The following REEP1 variants were observed in gnomAD, a reference collection of about 807,000 sequenced individuals.
REEP1 encodes the protein receptor expression-enhancing protein 1.
Under a neutral mutation model 40.3 loss-of-function variants are expected in REEP1, and 22 were observed. The ratio of observed to expected loss-of-function variants is 0.55; its 90% CI spans 0.39 to 0.78. The LOEUF is 0.78. Ranked by LOEUF, REEP1 falls within the 30% of genes least tolerant of loss-of-function variation. The pLI, the probability that REEP1 is intolerant of heterozygous loss-of-function variation, is 0.00. For missense variants in REEP1, 280 were observed against 361.1 expected (o/e 0.78, Z 1.82); for synonymous variants, 116 against 139.2 (o/e 0.83, Z 1.17).
At chr2:86,329,722 G>C (rs567725638) in intron 1 of REEP1, among the ~76,000 whole-genome samples, 5 of 152,158 alleles carry the variant, frequency 3.3e-5, no homozygotes, top group Admixed American at 6.5e-5. Context: ...AACTATTCCA[G>C]TAATGCCAAT....
chr2:86,218,305 C>T (rs1674237080), intron 8 of REEP1, among the ~76,000 whole-genome samples: 1 of 152,212 alleles, frequency 6.6e-6, no homozygotes, highest in South Asian at 2.1e-4. Flanking sequence ...CCTGCTCACT[C>T]TCTCCCCACC....
At chr2:86,286,161 A>G (rs1047542494) in intron 1 of REEP1, among the ~76,000 whole-genome samples, 1 of 152,086 alleles carries the variant, frequency 6.6e-6, no homozygotes, top group Non-Finnish European at 1.5e-5. Flanking sequence ...GTCTTCATTC[A>G]GGTTGCCTCC....
intron 5 of REEP1, among the ~76,000 whole-genome samples, chr2:86,244,352 C>T (rs1208441329): frequency 1.3e-5 from 2 of 151,146 alleles, no homozygotes; most frequent in Non-Finnish European, 3.0e-5. Flanking sequence ...TGTAGATCTT[C>T]TTTTTCTTTT....
At chr2:86,322,087 A>T (rs1268818879) in intron 1 of REEP1, among the ~76,000 whole-genome samples, 2 of 152,254 alleles carry the variant, frequency 1.3e-5, no homozygotes, top group African/African-American at 4.8e-5. Context: ...TAAGATACTA[A>T]ATACACTGGC....
At chr2:86,228,991 G>C (rs1368950782) in intron 6 of REEP1, among the ~76,000 whole-genome samples, 3 of 152,156 alleles carry the variant, frequency 2.0e-5, no homozygotes, top group African/African-American at 7.2e-5. Flanking sequence ...ATGCTTTCAA[G>C]TTCCACTGTG....
chr2:86,327,770 T>C (rs935030295), intron 1 of REEP1, among the ~76,000 whole-genome samples: 12 of 152,074 alleles, frequency 7.9e-5, no homozygotes, highest in African/African-American at 2.9e-4. Context: ...GATTTCACCG[T>C]GTTAGCCAGG....
chr2:86,334,321 T>C (rs908253948), intron 1 of REEP1, among the ~76,000 whole-genome samples: 4 of 152,196 alleles, frequency 2.6e-5, no homozygotes, highest in African/African-American at 4.8e-5. Flanking sequence ...AACACAGTGA[T>C]AGGTCTTCCT....
At chr2:86,309,469 C>G (rs1679658249) in intron 1 of REEP1, among the ~76,000 whole-genome samples, 3 of 152,238 alleles carry the variant, frequency 2.0e-5, no homozygotes, top group Admixed American at 2.0e-4. Flanking sequence ...GCCTTCACAC[C>G]TCTTGACTCT....
chr2:86,227,547 A>C, intron 6 of REEP1, 149 bp from the exon 7 acceptor site: 1 of 532,952 alleles, frequency 1.9e-6, no homozygotes, highest in Non-Finnish European at 2.9e-6. Flanking sequence ...TAGAGACACC[A>C]AAGTGGGGAA....
chr2:86,232,382 G>A (rs1424127630), intron 6 of REEP1, among the ~76,000 whole-genome samples: 1 of 152,200 alleles, frequency 6.6e-6, no homozygotes, highest in Non-Finnish European at 1.5e-5. Flanking sequence ...ATCATATGGA[G>A]GAAAGGGGAC....
chr2:86,254,195 ATCTT>A (rs1250263064), intron 4 of REEP1, among the ~76,000 whole-genome samples: 4 of 152,158 alleles, frequency 2.6e-5, no homozygotes, highest in Admixed American at 2.6e-4. Context: ...TAAAATTTTA[ATCTT>A]TCTTTCTTTT....
intron 2 of REEP1, among the ~76,000 whole-genome samples, chr2:86,270,160 T>C (rs948420913): frequency 7.2e-6 from 1 of 138,040 alleles, no homozygotes. Flanking sequence ...ATGCGTTCAG[T>C]ATCATTTTTC....
rs7593081 is a variant in REEP1, at chr2:86,293,101, T to C, written c.33-10859A>G. Among the ~76,000 whole-genome samples, 26 of 145,184 alleles carry C rather than the reference T, an allele frequency of 1.8e-4. No homozygotes were observed. The South Asian group carries it at 2.7e-3, about 15-fold the overall frequency. On this transcript the variant is annotated intron_variant, in intron 1 of 8. Transcript: ENST00000538924. Reference sequence around the variant, plus strand: ...TCATTCATTCATTCATTCATTCATTTGTTTGTTCGTTCATCCAACAGACAT... The same window carrying C: ...TCATTCATTCATTCATTCATTCATTCGTTTGTTCGTTCATCCAACAGACAT...
chr2:86,297,962 T>G (rs560445430), intron 1 of REEP1, among the ~76,000 whole-genome samples: 1 of 152,238 alleles, frequency 6.6e-6, no homozygotes, highest in East Asian at 1.9e-4. Context: ...CCATATAGGG[T>G]CGCATGCCCC....
intron 5 of REEP1, among the ~76,000 whole-genome samples, chr2:86,248,100 G>A (rs770302637): frequency 9.9e-5 from 15 of 152,268 alleles, no homozygotes; most frequent in Non-Finnish European, 1.8e-4. Context: ...AAGACAGAAG[G>A]AGGAATTACT....
intron 1 of REEP1, among the ~76,000 whole-genome samples, chr2:86,325,790 A>T (rs879814340): frequency 1.8e-4 from 28 of 152,216 alleles, no homozygotes; most frequent in Admixed American, 1.8e-3. Context: ...CAGAACTGCA[A>T]GAGAAGAAAC....
intron 1 of REEP1, among the ~76,000 whole-genome samples, chr2:86,328,376 C>T (rs567355749): frequency 1.3e-5 from 2 of 152,280 alleles, no homozygotes; most frequent in Admixed American, 1.3e-4. Context: ...AATTAGGCAG[C>T]CAATCTGTGA....
intron 2 of REEP1, among the ~76,000 whole-genome samples, chr2:86,278,705 G>A (rs1445067683): frequency 2.0e-5 from 3 of 152,148 alleles, no homozygotes; most frequent in Non-Finnish European, 2.9e-5. Flanking sequence ...GCACTGTCAG[G>A]GGATGCCTCA....
intron 1 of REEP1, among the ~76,000 whole-genome samples, chr2:86,291,613 G>A (rs544454745): frequency 2.0e-5 from 3 of 151,680 alleles, no homozygotes; most frequent in South Asian, 2.1e-4. Flanking sequence ...GTACCCCTCC[G>A]AGACAATGGG....
Sources: gnomAD v4.1 joint callset for allele counts (sites outside exome capture counted in the v4.1 genomes callset) on GRCh38, gnomAD v4.1.1 for gene constraint, MANE v1.5 for transcripts, NCBI Gene and HGNC (gene_info 2026-07-23, HGNC 2026-07-21) for gene names.